The following ITCH variants were observed in gnomAD, a reference collection of about 807,000 sequenced individuals.
ITCH encodes the protein itchy E3 ubiquitin protein ligase, also known as E3 ubiquitin-protein ligase Itchy homolog.
In ITCH, 28 loss-of-function variants were observed where a neutral mutation model predicts 126.8. The observed-to-expected ratio is 0.22, with a 90% CI of 0.16 to 0.30. ITCH has a LOEUF of 0.30. ITCH is among the 10% of genes least tolerant of loss of function. The probability of loss-of-function intolerance (pLI) is 1.00; values close to 1 mark genes in which losing one functional copy is unlikely to be tolerated. For missense variants in ITCH, 631 were observed against 1,032.4 expected (o/e 0.61, Z 5.33); for synonymous variants, 342 against 340.0 (o/e 1.01, Z -0.06).
At chr20:34,501,578 C>G (rs1990247180) in intron 23 of ITCH, among the ~76,000 whole-genome samples, 1 of 152,012 alleles carries the variant, frequency 6.6e-6, no homozygotes, top group Non-Finnish European at 1.5e-5. Context: ...GAGTTCGAGA[C>G]CAGCCTGACC....
rs762402155 is a variant in ITCH, at chr20:34,413,780, A to G, written c.376A>G (p.Lys126Glu). 4 of 1,612,000 alleles carry G rather than the reference A, an allele frequency of 2.5e-6. No individual in the cohort carries two copies. The highest frequency in any genetic ancestry group is 3.4e-6 in the Non-Finnish European group (4 of 1,178,726). ...TGTGACTTTGCAGCTTGGAGGTGAC[A>G]AAGAGCCAACAGAGACAATAGGAGA... Reference protein sequence around the residue: ...VVVTLQLGGDKEPTETIGDLS... With the variant: ...VVVTLQLGGDEEPTETIGDLS... Residue 126 changes from lysine to glutamate, a missense_variant, in exon 6 of 25, where the codon AAA (lysine) becomes GAA (glutamate). By Grantham distance (56) the Lys-to-Glu change is moderately conservative. Transcript: ENST00000374864.
chr20:34,410,300 G>A (rs1427757654), intron 4 of ITCH, among the ~76,000 whole-genome samples: 2 of 151,902 alleles, frequency 1.3e-5, no homozygotes, highest in African/African-American at 2.4e-5. Flanking sequence ...CCTGGTAGGC[G>A]GAGGTTGCAG....
At chr20:34,462,072 G>GT (rs767420840) in intron 13 of ITCH, 21 bp from the exon 14 acceptor site, 32 of 1,612,194 alleles carry the variant, frequency 2.0e-5, no homozygotes, top group South Asian at 5.5e-5. Context: ...TTTTGTTTAT[G>GT]TTTTTTCCTG....
intron 9 of ITCH, chr20:34,441,706 C>T (rs899684355): frequency 1.7e-5 from 3 of 177,126 alleles, no homozygotes; most frequent in Non-Finnish European, 3.6e-5. Flanking sequence ...CTGCCTCAGC[C>T]TCCTGAGTAG....
intron 7 of ITCH, among the ~76,000 whole-genome samples, chr20:34,438,200 A>G (rs941419142): frequency 1.3e-5 from 2 of 152,204 alleles, no homozygotes; most frequent in African/African-American, 4.8e-5. Context: ...CTTATTTGAA[A>G]TATGAACCAG....
chr20:34,466,805 G>A (rs1987111324), intron 14 of ITCH, among the ~76,000 whole-genome samples: 1 of 152,140 alleles, frequency 6.6e-6, no homozygotes. Flanking sequence ...TCTTCAGCGG[G>A]AAACTTTTGT....
chr20:34,467,471 C>T (rs1055469450), intron 14 of ITCH, among the ~76,000 whole-genome samples: 1 of 150,112 alleles, frequency 6.7e-6, no homozygotes, highest in Non-Finnish European at 1.5e-5. Context: ...TGTGGTGAAC[C>T]GAGATCGCGC....
At chr20:34,363,633 C>T (rs1319165751) in intron 1 of ITCH, among the ~76,000 whole-genome samples, 1 of 152,164 alleles carries the variant, frequency 6.6e-6, no homozygotes, top group Non-Finnish European at 1.5e-5. Context: ...TGTGAAAGGG[C>T]TGGGCCACGA....
intron 6 of ITCH, among the ~76,000 whole-genome samples, chr20:34,416,315 T>G (rs1403563614): frequency 6.6e-6 from 1 of 152,210 alleles, no homozygotes; most frequent in African/African-American, 2.4e-5. Flanking sequence ...GGAGAATCAC[T>G]TGAACCCGGG....
intron 16 of ITCH, among the ~76,000 whole-genome samples, chr20:34,474,551 C>T (rs1365535734): frequency 2.0e-5 from 3 of 152,216 alleles, no homozygotes; most frequent in African/African-American, 7.2e-5. Flanking sequence ...GAAAAGTCTC[C>T]CATGTATACT....
chr20:34,445,182 A>G, intron 10 of ITCH, 105 bp from the exon 11 acceptor site: 2 of 1,209,868 alleles, frequency 1.7e-6, no homozygotes, highest in Non-Finnish European at 2.3e-6. Flanking sequence ...AAATACATAA[A>G]AGACTCCAGA....
rs34815799 is a variant in ITCH, at chr20:34,487,012, G to GTTT, written c.2094-2237_2094-2235dup. Among the ~76,000 whole-genome samples the GTTT allele has an allele frequency of 7.2e-3, 771 of 107,796 alleles. 36 individuals are homozygous for GTTT. The highest frequency in any genetic ancestry group is 7.9e-3 in the Non-Finnish European group (444 of 56,008). 70.7% of individuals were successfully genotyped at this position (107,796 alleles called of 152,430 possible). A position where few individuals can be genotyped will look rare whatever the true frequency, so the allele number is the denominator to read the frequency against. On this transcript the variant is annotated intron_variant, in intron 20 of 24. Transcript: ENST00000374864. The stretch of plus-strand genomic sequence containing the variant: ...CATTGTATTTAAAAGTATTTGTTAG[G>GTTT]TTTTTTTTTTTTTTTTTTTGAGACG...
chr20:34,365,125 G>C (rs922107352), intron 1 of ITCH, among the ~76,000 whole-genome samples: 5 of 151,940 alleles, frequency 3.3e-5, no homozygotes, highest in Non-Finnish European at 7.4e-5. Context: ...ACCTGATTCC[G>C]GGGGGTCGAG....
At position 34,475,614 on chromosome 20, in the gene ITCH, A is replaced by G. The variant is rs562991031; in HGVS notation, c.1570-2158A>G. ...AGCCGAGATGGCAGCAGTACAGTCC[A>G]GCTTCGGCTCGGCATCAGAGGGAGA... On this transcript the variant is annotated intron_variant, in intron 16 of 24. Transcript: ENST00000374864. Among the ~76,000 whole-genome samples the G allele has an allele frequency of 3.8e-3, 579 of 152,014 alleles. 7 individuals carry two copies. Among genetic ancestry groups the G allele is most frequent in the African/African-American group, 0.013 (559 of 41,466 alleles).
At chr20:34,438,444 C>G (rs1370386494) in intron 7 of ITCH, 30 bp from the exon 8 acceptor site, 2 of 1,610,770 alleles carry the variant, frequency 1.2e-6, no homozygotes, top group Non-Finnish European at 1.7e-6. Context: ...ATTTCCCTCT[C>G]CCCCTTCCTT....
At chr20:34,450,935 A>G (rs1232775333) in intron 12 of ITCH, 1 of 152,216 alleles carries the variant, frequency 6.6e-6, no homozygotes, top group Non-Finnish European at 1.5e-5. Context: ...AAGGTAAAAA[A>G]TGTATTAGGC....
At chr20:34,438,954 C>T (rs1983391695) in intron 8 of ITCH, among the ~76,000 whole-genome samples, 1 of 152,152 alleles carries the variant, frequency 6.6e-6, no homozygotes. Context: ...GTATTAAATA[C>T]TCAAGGATTT....
At chr20:34,373,541 G>T (rs2037721802) in intron 2 of ITCH, among the ~76,000 whole-genome samples, 1 of 152,130 alleles carries the variant, frequency 6.6e-6, no homozygotes, top group South Asian at 2.1e-4. Flanking sequence ...CTCCCAAAGT[G>T]CTGGAATTAT....
chr20:34,469,523 C>G (rs6059855), intron 14 of ITCH, among the ~76,000 whole-genome samples: 68,001 of 151,898 alleles, frequency 0.45, 15,780 homozygotes, highest in Non-Finnish European at 0.5. Flanking sequence ...CTCCTGACCT[C>G]AGATGATCCA....
Sources: allele counts gnomAD v4.1 joint callset (sites outside exome capture counted in the v4.1 genomes callset), GRCh38; gene constraint gnomAD v4.1.1; transcripts MANE v1.5; gene names NCBI Gene and HGNC (gene_info 2026-07-23, HGNC 2026-07-21).